The following DOP1A variants were observed in gnomAD, a reference collection of about 807,000 sequenced individuals.
DOP1A encodes the protein DOP1 leucine zipper like protein A, also known as protein DOP1A.
A neutral mutation model predicts 267.6 loss-of-function variants in DOP1A; 90 were observed. That is an observed-to-expected ratio of 0.34 (90% CI 0.28 to 0.40). DOP1A has a LOEUF of 0.40. Ranked by LOEUF, DOP1A falls within the 10% of genes least tolerant of loss-of-function variation. DOP1A has a pLI of 1.00. For synonymous variants in DOP1A, 932 were observed against 999.1 expected (o/e 0.93, Z 1.27); for missense variants, 2,437 against 2,900.4 (o/e 0.84, Z 3.67).
chr6:83,137,443 A>G lies in DOP1A; in HGVS notation c.3401A>G (p.Gln1134Arg). 6.2e-7 allele frequency: 1 copy of G among 1,613,842 alleles called. No homozygotes were observed. Among genetic ancestry groups the G allele is most frequent in the South Asian group, 1.1e-5 (1 of 91,072 alleles). Residue 1134 changes from glutamine to arginine, a missense_variant, in exon 21 of 39, where the codon CAA (glutamine) becomes CGA (arginine). Coordinates refer to ENST00000349129, the MANE Select transcript of DOP1A (RefSeq NM_015018.4). ...YEVDPETVNAQEDSQMPKESS... is the reference protein window; with the variant it reads ...YEVDPETVNAREDSQMPKESS... Reference sequence around the variant, plus strand: ...GTTGATCCTGAAACCGTGAATGCCCAAGAGGATTCTCAAATGCCCAAGGAA... The same window carrying G: ...GTTGATCCTGAAACCGTGAATGCCCGAGAGGATTCTCAAATGCCCAAGGAA...
chr6:83,089,591 A>G (rs1201678139), intron 1 of DOP1A, among the ~76,000 whole-genome samples: 2 of 152,218 alleles, frequency 1.3e-5, no homozygotes, highest in Non-Finnish European at 2.9e-5. Context: ...AACTACGATT[A>G]ACAGCCCCTA....
At chr6:83,170,566 A>T, downstream of DOP1A, 1 of 982,398 alleles carries the variant, frequency 1.0e-6, no homozygotes, top group South Asian at 1.8e-5. Flanking sequence ...GAAAAGTGCC[A>T]GACTAAATAT....
At chr6:83,168,866 C>A, downstream of DOP1A, 1 of 1,044,428 alleles carries the variant, frequency 9.6e-7, no homozygotes, top group Non-Finnish European at 1.2e-6. Flanking sequence ...TGCAAAACAT[C>A]ATCTTGCTCA....
chr6:83,145,657 A>G lies in DOP1A; in HGVS notation c.5675A>G (p.Lys1892Arg). Residue 1892 changes from lysine to arginine, a missense_variant and splice_region_variant, in exon 25 of 39, where the codon AAG becomes AGG. By Grantham distance (26) the Lys-to-Arg change is conservative. Around this residue, in one of 9 missense-constraint regions of DOP1A, gnomAD observed 307 missense variants for 308.6 expected, o/e 0.99. Transcript: ENST00000349129. ...CAGCCACCAGCCATAGCCAAGGACA[A>G]GGTAAGAAAAAACTCTTCTTCACAT... ...LKQPPAIAKD[K>R]KHLSLEVCML... is the part of the protein sequence containing the mutation. The G allele has an allele frequency of 6.2e-7, 1 of 1,609,814 alleles. No individual in the cohort carries two copies. The highest frequency in any genetic ancestry group is 8.5e-7 in the Non-Finnish European group (1 of 1,178,746).
intron 1 of DOP1A, among the ~76,000 whole-genome samples, chr6:83,083,414 G>A (rs1768496506): frequency 1.4e-5 from 2 of 147,432 alleles, no homozygotes; most frequent in Admixed American, 6.8e-5. Flanking sequence ...ATTAAGACTT[G>A]TGGTTTAAAA....
At chr6:83,169,196 G>A (rs753669048), downstream of DOP1A, 2 of 1,611,692 alleles carry the variant, frequency 1.2e-6, no homozygotes, top group Non-Finnish European at 1.7e-6. Flanking sequence ...GTAAAGACTT[G>A]TAAAAAGTCC....
At position 83,133,863 on chromosome 6, in the gene DOP1A, C is replaced by G. The variant is rs541581913; in HGVS notation, c.2770-324C>G. 2.0e-5 allele frequency among the ~76,000 whole-genome samples: 3 copies of G among 152,056 alleles called. No individual in the cohort carries two copies. The East Asian group carries it at 5.8e-4, about 29-fold the overall frequency. ...AATGAAGGAGGAAGTGCTTTCTGGA[C>G]TCCAGATATATGTACATTAGTAACT... On this transcript the variant is annotated intron_variant, in intron 18 of 38. Transcript: ENST00000349129.
In DOP1A at chr6:83,167,613, T is replaced by C. The variant is rs1345896223; in HGVS notation, c.7093-249T>C. On this transcript the variant is annotated intron_variant, in intron 38 of 38. Transcript: ENST00000349129. ...CTATTCCTGTTCAAAGCTATTTCTG[T>C]TAACTAAGCTTATCTGCGCATTCTA... 1.1e-5 allele frequency: 13 copies of C among 1,186,538 alleles called. No individual in the cohort carries two copies. In the East Asian group the frequency reaches 5.0e-4, roughly 45 times the overall value. 73.5% of individuals were successfully genotyped at this position (1,186,538 alleles called of 1,614,324 possible).
At chr6:83,079,160 T>G (rs1767647589) in intron 1 of DOP1A, among the ~76,000 whole-genome samples, 1 of 152,212 alleles carries the variant, frequency 6.6e-6, no homozygotes, top group Admixed American at 6.5e-5. Context: ...ACATGCATGG[T>G]CTGTGTCCAG....
intron 1 of DOP1A, among the ~76,000 whole-genome samples, chr6:83,092,859 A>G (rs941238884): frequency 6.6e-6 from 1 of 152,142 alleles, no homozygotes; most frequent in Admixed American, 6.6e-5. Context: ...GGGAGGGTTC[A>G]CTTTGTTCTG....
chr6:83,072,060 C>T (rs1424109836), intron 1 of DOP1A, among the ~76,000 whole-genome samples: 3 of 152,026 alleles, frequency 2.0e-5, no homozygotes. Flanking sequence ...ATATTTTAAT[C>T]CTGCCGAAGA....
At chr6:83,140,579 A>G (rs2128278393) in intron 23 of DOP1A, among the ~76,000 whole-genome samples, 176 bp downstream of exon 23, 1 of 152,246 alleles carries the variant, frequency 6.6e-6, no homozygotes, top group South Asian at 2.1e-4. Context: ...GCCCATTTTT[A>G]AGTATACAAT....
chr6:83,160,147 T>C (rs752317523), intron 37 of DOP1A, among the ~76,000 whole-genome samples, 187 bp downstream of exon 37: 1 of 152,222 alleles, frequency 6.6e-6, no homozygotes, highest in Non-Finnish European at 1.5e-5. Flanking sequence ...ATTAACAGAC[T>C]ATTCAGTCAA....
In DOP1A at chr6:83,068,003, G is replaced by GGGGCCGGGGCCT. The variant is rs1263220514; in HGVS notation, c.-147+233_-147+244dup. ...GCGCGGGGACTGGAGGGCCAGGGCT[G>GGGGCCGGGGCCT]GGGCCGGGGCCTGGGCCGGGCAGAG... On this transcript the variant is annotated intron_variant, in intron 1 of 38. Coordinates refer to ENST00000349129, the MANE Select transcript of DOP1A (RefSeq NM_015018.4). 4.6e-5 allele frequency among the ~76,000 whole-genome samples: 7 copies of GGGGCCGGGGCCT among 152,280 alleles called. No homozygotes were observed. In the East Asian group the frequency reaches 7.7e-4, roughly 17 times the overall value.
At chr6:83,088,093 C>T (rs906004246) in intron 1 of DOP1A, among the ~76,000 whole-genome samples, 1 of 151,902 alleles carries the variant, frequency 6.6e-6, no homozygotes, top group Non-Finnish European at 1.5e-5. Context: ...AGGATGGTCT[C>T]GATATCCTGA....
At chr6:83,089,440 A>G (rs1048379185) in intron 1 of DOP1A, among the ~76,000 whole-genome samples, 2 of 152,072 alleles carry the variant, frequency 1.3e-5, no homozygotes, top group Admixed American at 1.3e-4. Context: ...CTTTATTTTT[A>G]TAATTGATAT....
chr6:83,104,018 G>T (rs1773097640), intron 4 of DOP1A, among the ~76,000 whole-genome samples: 1 of 151,800 alleles, frequency 6.6e-6, no homozygotes, highest in South Asian at 2.1e-4. Flanking sequence ...TTTGAAGAAA[G>T]TTTTTTTTAG....
At chr6:83,110,382 A>G in intron 6 of DOP1A, 68 bp downstream of exon 6, 1 of 1,464,874 alleles carries the variant, frequency 6.8e-7, no homozygotes, top group South Asian at 1.4e-5. Context: ...TTCCAGACAT[A>G]TATTGAGGAT....
At chr6:83,103,094 T>A (rs1386088633) in intron 4 of DOP1A, among the ~76,000 whole-genome samples, 2 of 152,104 alleles carry the variant, frequency 1.3e-5, no homozygotes, top group Admixed American at 6.6e-5. Flanking sequence ...TAGGTAGGTT[T>A]TTATTATTAT....
Sources: allele counts gnomAD v4.1 joint callset (sites outside exome capture counted in the v4.1 genomes callset), GRCh38; gene constraint gnomAD v4.1.1; regional missense constraint gnomAD v4.1.1; transcripts MANE v1.5; gene names NCBI Gene and HGNC (gene_info 2026-07-23, HGNC 2026-07-21).